The following ATP8A2 variants were observed in gnomAD, a reference collection of about 807,000 sequenced individuals.
ATP8A2 encodes ATPase phospholipid transporting 8A2.
In ATP8A2, 100 loss-of-function variants were observed where a neutral mutation model predicts 165.6. The observed-to-expected ratio is 0.60, with a 90% CI of 0.51 to 0.71. The LOEUF is 0.71. ATP8A2 is among the 30% of genes least tolerant of loss of function. The pLI is 0.00. For missense variants in ATP8A2, 1,227 were observed against 1,479.5 expected, an observed-to-expected ratio of 0.83 and a Z score of 2.80; for synonymous variants, 543 against 548.8, an observed-to-expected ratio of 0.99 and a Z score of 0.15.
At chr13:25,963,039 A>C (rs1955692717) in intron 34 of ATP8A2, among the ~76,000 whole-genome samples, 1 of 152,340 alleles carries the variant, frequency 6.6e-6, no homozygotes, top group South Asian at 2.1e-4. Context: ...CAGAATCCTC[A>C]GAAATGAAAA....
In ATP8A2 at chr13:25,660,281, T is replaced by C. The variant is rs1193731196; in HGVS notation, c.2212-38892T>C. On this transcript the variant is annotated intron_variant, in intron 24 of 36. Transcript: ENST00000381655. Reference sequence around the variant, plus strand: ...AACGTTTGTGTGATTCTGAAATTCATGTGGAATATAAATGGGCCCCAAAGT... The same window carrying C: ...AACGTTTGTGTGATTCTGAAATTCACGTGGAATATAAATGGGCCCCAAAGT... Among the ~76,000 whole-genome samples the C allele has an allele frequency of 5.9e-5, 9 of 152,154 alleles. No individual in the cohort carries two copies. The South Asian group carries it at 1.0e-3, about 18-fold the overall frequency.
intron 15 of ATP8A2, among the ~76,000 whole-genome samples, chr13:25,561,219 C>T (rs1296691150): frequency 6.6e-6 from 1 of 152,120 alleles, no homozygotes; most frequent in Admixed American, 6.6e-5. Flanking sequence ...GTTTCCTCTT[C>T]TTGATTCTCA....
At chr13:25,540,463 A>G in intron 8 of ATP8A2, 75 bp downstream of exon 8, 1 of 1,084,674 alleles carries the variant, frequency 9.2e-7, no homozygotes, top group Admixed American at 1.7e-5. Flanking sequence ...ATCTTTTTCT[A>G]GAGAAATAAA....
At position 25,577,092 on chromosome 13, in the gene ATP8A2, T is replaced by C. The variant is rs1329254555; in HGVS notation, c.1736T>C (p.Ile579Thr). Residue 579 changes from isoleucine (I) to threonine (T), a missense_variant, in exon 20 of 37, where the codon ATT (isoleucine) becomes ACT (threonine). Coordinates refer to ENST00000381655, the MANE Select transcript of ATP8A2 (RefSeq NM_016529.6). ...FSSDRKRMSV[I>T]VRTPSGRLRL... is the part of the protein sequence containing the mutation. ...AGTGACAGAAAAAGAATGTCTGTAA[T>C]TGTTCGAACTCCTTCAGGACGACTT... 6.2e-7 allele frequency: 1 copy of C among 1,613,882 alleles called. No homozygotes were observed. Among genetic ancestry groups the C allele is most frequent in the South Asian group, 1.1e-5 (1 of 91,062 alleles).
chr13:25,803,643 T>C (rs1025601067), intron 27 of ATP8A2, among the ~76,000 whole-genome samples: 2 of 152,238 alleles, frequency 1.3e-5, no homozygotes, highest in Admixed American at 1.3e-4. Context: ...CTTCCCCATA[T>C]GTTAGTATTG....
chr13:25,651,662 T>A (rs2041816274), intron 24 of ATP8A2, among the ~76,000 whole-genome samples: 2 of 152,156 alleles, frequency 1.3e-5, no homozygotes, highest in Non-Finnish European at 2.9e-5. Context: ...GGGAGTTTAT[T>A]AGATTTTTCA....
intron 2 of ATP8A2, among the ~76,000 whole-genome samples, chr13:25,485,641 G>T (rs2036328458): frequency 6.6e-6 from 1 of 152,224 alleles, no homozygotes; most frequent in African/African-American, 2.4e-5. Context: ...CCAGATGATG[G>T]TTCTAGACTG....
chr13:25,798,516 T>TA (rs11344568), intron 27 of ATP8A2, among the ~76,000 whole-genome samples: 1 of 151,960 alleles, frequency 6.6e-6, no homozygotes, highest in African/African-American at 2.4e-5. Context: ...AGATGGCTTT[T>TA]AAAAAAAAGT....
intron 24 of ATP8A2, among the ~76,000 whole-genome samples, chr13:25,682,244 C>A (rs1207465119): frequency 6.6e-6 from 1 of 152,114 alleles, no homozygotes; most frequent in Admixed American, 6.5e-5. Context: ...TCTTGACCTT[C>A]CACTCTTATT....
intron 24 of ATP8A2, among the ~76,000 whole-genome samples, chr13:25,678,392 G>A (rs1372657457): frequency 6.7e-6 from 1 of 149,126 alleles, no homozygotes; most frequent in East Asian, 2.1e-4. Context: ...GTATTGCTGA[G>A]TTTATAGGAT....
At chr13:25,691,898 ATT>A (rs1400200188) in intron 24 of ATP8A2, among the ~76,000 whole-genome samples, 2 of 152,210 alleles carry the variant, frequency 1.3e-5, no homozygotes, top group African/African-American at 4.8e-5. Flanking sequence ...TGTGCTTTGA[ATT>A]TTACCGTTTA....
intron 33 of ATP8A2, among the ~76,000 whole-genome samples, chr13:25,914,754 A>G (rs1954218127): frequency 6.6e-6 from 1 of 152,218 alleles, no homozygotes; most frequent in Admixed American, 6.5e-5. Context: ...AGCAAACCCC[A>G]GTCTCCTTAG....
At chr13:25,815,302 C>T (rs955861238) in intron 27 of ATP8A2, among the ~76,000 whole-genome samples, 5 of 151,998 alleles carry the variant, frequency 3.3e-5, no homozygotes, top group African/African-American at 7.3e-5. Context: ...ATCATATATC[C>T]GATAAGAGAT....
At chr13:25,484,281 G>C (rs956650569) in intron 2 of ATP8A2, among the ~76,000 whole-genome samples, 1 of 152,088 alleles carries the variant, frequency 6.6e-6, no homozygotes, top group Non-Finnish European at 1.5e-5. Context: ...CTTAAACTTG[G>C]TCCACATGTA....
intron 35 of ATP8A2, among the ~76,000 whole-genome samples, chr13:25,973,249 G>A (rs1769798691): frequency 6.6e-6 from 1 of 152,168 alleles, no homozygotes; most frequent in African/African-American, 2.4e-5. Context: ...GCGAGCCGTC[G>A]CCTCGTCTCC....
chr13:25,786,916 C>T (rs534355187), intron 27 of ATP8A2, among the ~76,000 whole-genome samples: 3 of 152,106 alleles, frequency 2.0e-5, no homozygotes, highest in Admixed American at 6.5e-5. Context: ...CCACCATACC[C>T]GGCTAATTTT....
At chr13:25,557,538 C>T (rs534987175) in intron 13 of ATP8A2, among the ~76,000 whole-genome samples, 9 of 152,212 alleles carry the variant, frequency 5.9e-5, no homozygotes, top group East Asian at 1.9e-4. Context: ...TCTATGTTCC[C>T]ATAACAGTCT....
At chr13:25,665,302 A>G (rs185163804) in intron 24 of ATP8A2, among the ~76,000 whole-genome samples, 14 of 152,318 alleles carry the variant, frequency 9.2e-5, no homozygotes, top group Non-Finnish European at 1.8e-4. Flanking sequence ...TTTAGAATAC[A>G]TAGGTCAAAG....
intron 9 of ATP8A2, among the ~76,000 whole-genome samples, chr13:25,542,622 C>T (rs2038517566): frequency 6.6e-6 from 1 of 152,088 alleles, no homozygotes; most frequent in Non-Finnish European, 1.5e-5. Context: ...AATGCCCCCT[C>T]CAACCCTGTA....
Sources: gnomAD v4.1 joint callset for allele counts (sites outside exome capture counted in the v4.1 genomes callset) on GRCh38, gnomAD v4.1.1 for gene constraint, MANE v1.5 for transcripts, NCBI Gene and HGNC (gene_info 2026-07-23, HGNC 2026-07-21) for gene names.